The following TBC1D19 variants were observed in gnomAD, a reference collection of about 807,000 sequenced individuals.
The protein encoded by TBC1D19 is TBC1 domain family, member 19.
Under a neutral mutation model 89.0 loss-of-function variants are expected in TBC1D19, and 60 were observed. That is an observed-to-expected ratio of 0.67 (90% confidence interval 0.55 to 0.84). The LOEUF (loss-of-function observed/expected upper bound fraction) is 0.84. TBC1D19 is among the 40% of genes least tolerant of loss of function. The pLI is 0.00. For missense variants in TBC1D19, 500 were observed against 610.8 expected, an observed-to-expected ratio of 0.82 and a Z score of 1.91; for synonymous variants, 189 against 199.7, an observed-to-expected ratio of 0.95 and a Z score of 0.45.
chr4:26,580,517 A>C (rs1470529055), upstream of TBC1D19, among the ~76,000 whole-genome samples: 1 of 152,222 alleles, frequency 6.6e-6, no homozygotes. Context: ...GGGGCTAACT[A>C]TCCAGTGACA....
chr4:26,713,106 T>C (rs1716312184), intron 13 of TBC1D19, among the ~76,000 whole-genome samples: 1 of 149,976 alleles, frequency 6.7e-6, no homozygotes, highest in Non-Finnish European at 1.5e-5. Flanking sequence ...TTTTTCTTAA[T>C]TATTGGAAAA....
chr4:26,724,010 G>A (rs1242056004), intron 15 of TBC1D19, among the ~76,000 whole-genome samples: 1 of 152,228 alleles, frequency 6.6e-6, no homozygotes, highest in African/African-American at 2.4e-5. Flanking sequence ...AGGTGCCTCT[G>A]AGGAGGTGGA....
At chr4:26,745,497 CTTTTTTT>C (rs71186486) in intron 18 of TBC1D19, among the ~76,000 whole-genome samples, 14 of 40,600 alleles carry the variant, frequency 3.4e-4, no homozygotes, top group African/African-American at 1.2e-3. Context: ...CAATATACTT[CTTTTTTT>C]TTTTTTTTTT....
intron 4 of TBC1D19, among the ~76,000 whole-genome samples, chr4:26,623,443 A>C (rs2110040531): frequency 6.6e-6 from 1 of 152,252 alleles, no homozygotes; most frequent in East Asian, 1.9e-4. Context: ...CCCCTAATTC[A>C]ACCTCTGTCT....
the TBC1D19 span, among the ~76,000 whole-genome samples, chr4:26,817,977 A>T: frequency 0.017 from 1,779 of 104,930 alleles, 34 homozygotes; most frequent in African/African-American, 0.063. Context: ...TTAAAAAAAA[A>T]AAAAATATAT....
intron 10 of TBC1D19, among the ~76,000 whole-genome samples, chr4:26,673,446 T>TATATATATATATATATATACACACACAC (rs373807642): frequency 9.9e-5 from 9 of 90,882 alleles, no homozygotes; most frequent in Non-Finnish European, 1.6e-4. Flanking sequence ...TATATATATA[T>TATATATATATATATATATACACACACAC]ACACACACAC....
intron 7 of TBC1D19, among the ~76,000 whole-genome samples, chr4:26,658,489 G>A (rs150514825): frequency 0.01 from 1,551 of 152,208 alleles, 17 homozygotes; most frequent in African/African-American, 0.033. Flanking sequence ...GGTTACTATA[G>A]CCTTGTAGTA....
chr4:26,692,737 A>AT (rs1219683319), intron 13 of TBC1D19, among the ~76,000 whole-genome samples: 1 of 152,248 alleles, frequency 6.6e-6, no homozygotes, highest in Non-Finnish European at 1.5e-5. Context: ...AGAGACAGAG[A>AT]TAACTAGGAG....
At chr4:26,735,620 C>T in intron 16 of TBC1D19, 133 bp downstream of exon 16, 1 of 738,964 alleles carries the variant, frequency 1.4e-6, no homozygotes, top group Non-Finnish European at 2.0e-6. Context: ...AAGTGAAATG[C>T]ATGCTAGTTC....
chr4:26,603,095 G>C (rs915806717), intron 1 of TBC1D19, among the ~76,000 whole-genome samples: 3 of 152,074 alleles, frequency 2.0e-5, no homozygotes, highest in African/African-American at 7.2e-5. Flanking sequence ...GGCAAAGTGA[G>C]CCTCTCATTT....
chr4:26,605,299 C>T (rs1401642699), intron 1 of TBC1D19, among the ~76,000 whole-genome samples: 8 of 144,464 alleles, frequency 5.5e-5, no homozygotes, highest in African/African-American at 1.8e-4. Flanking sequence ...TGAGAACATG[C>T]GGTGTTTGGT....
At chr4:26,768,442 T>C in the TBC1D19 span, among the ~76,000 whole-genome samples, 1 of 152,190 alleles carries the variant, frequency 6.6e-6, no homozygotes, top group Non-Finnish European at 1.5e-5. Flanking sequence ...TACTTGGCAT[T>C]TGATAAAAAA....
intron 11 of TBC1D19, among the ~76,000 whole-genome samples, chr4:26,676,733 A>T (rs1027321644): frequency 6.6e-6 from 1 of 151,692 alleles, no homozygotes; most frequent in Non-Finnish European, 1.5e-5. Flanking sequence ...AAAAAAAAAA[A>T]GAAATGTCTA....
At chr4:26,666,582 C>T in intron 9 of TBC1D19, among the ~76,000 whole-genome samples, 177 bp downstream of exon 9, 1 of 151,992 alleles carries the variant, frequency 6.6e-6, no homozygotes, top group African/African-American at 2.4e-5. Flanking sequence ...AATTATTAGA[C>T]TTCAACTAAA....
chr4:26,661,796 G>A (rs1351987019), intron 8 of TBC1D19, among the ~76,000 whole-genome samples: 1 of 152,100 alleles, frequency 6.6e-6, no homozygotes, highest in Non-Finnish European at 1.5e-5. Flanking sequence ...ACATCATCAC[G>A]GAGAGTCCTT....
chr4:26,842,583 C>CCTTCCTTTCTTTCTTTCTTTCTTT, the TBC1D19 span, among the ~76,000 whole-genome samples: 26 of 70,608 alleles, frequency 3.7e-4, no homozygotes, highest in East Asian at 7.7e-4. Flanking sequence ...TTCCTCCCTC[C>CCTTCCTTTCTTTCTTTCTTTCTTT]CTTTCTTTCT....
Position 26,643,435 on chromosome 4 carries a change from G to A in TBC1D19, c.480+3248G>A, listed in dbSNP as rs149553926. ...GGGACACATTTAAAGCAGTGCGTAG[G>A]GGGAAATTTATAGCACTAAATGCCC... On this transcript the variant is annotated intron_variant, in intron 7 of 20. Coordinates refer to ENST00000264866, the MANE Select transcript of TBC1D19 (RefSeq NM_018317.4). Among the ~76,000 whole-genome samples, 1,171 of 152,080 alleles carry A rather than the reference G, an allele frequency of 7.7e-3. 9 individuals carry two copies. The highest frequency in any genetic ancestry group is 0.027 in the African/African-American group (1,104 of 41,496).
the TBC1D19 span, among the ~76,000 whole-genome samples, chr4:26,789,009 T>C: frequency 6.6e-6 from 1 of 152,214 alleles, no homozygotes; most frequent in African/African-American, 2.4e-5. Flanking sequence ...TTCCCTTTTT[T>C]CATTTATGTG....
At chr4:26,612,215 C>G (rs1197833561) in intron 1 of TBC1D19, among the ~76,000 whole-genome samples, 1 of 150,246 alleles carries the variant, frequency 6.7e-6, no homozygotes. Flanking sequence ...TTTGGCTTTG[C>G]TATCTAGTTG....
Sources: allele counts gnomAD v4.1 joint callset (sites outside exome capture counted in the v4.1 genomes callset), GRCh38; gene constraint gnomAD v4.1.1; transcripts MANE v1.5; gene names NCBI Gene and HGNC (gene_info 2026-07-23, HGNC 2026-07-21).